Variants in FOXP1 observed in about 807,000 individuals in gnomAD.
FOXP1 encodes forkhead box P1, also known as forkhead box protein P1.
Under a neutral mutation model 98.2 loss-of-function variants are expected in FOXP1, and 15 were observed. The ratio of observed to expected loss-of-function variants is 0.15; its 90% CI spans 0.10 to 0.24. The LOEUF (loss-of-function observed/expected upper bound fraction) is 0.24, where lower values mean the gene tolerates loss of function less well. Ranked by LOEUF, FOXP1 falls within the 10% of genes least tolerant of loss-of-function variation. FOXP1 has a pLI of 1.00. For missense variants in FOXP1, 633 were observed against 848.5 expected, an observed-to-expected ratio of 0.75 and a Z score of 3.15; for synonymous variants, 371 against 314.5, an observed-to-expected ratio of 1.18 and a Z score of -1.90.
At chr3:71,195,783 C>G (rs2108364819) in intron 6 of FOXP1, among the ~76,000 whole-genome samples, 1 of 152,316 alleles carries the variant, frequency 6.6e-6, no homozygotes, top group South Asian at 2.1e-4. Context: ...TGCTGGTATT[C>G]TCACTTCAAG....
chr3:71,359,804 T>C (rs2078424240), intron 3 of FOXP1, among the ~76,000 whole-genome samples: 2 of 152,132 alleles, frequency 1.3e-5, no homozygotes, highest in Admixed American at 6.5e-5. Context: ...TGCAATTATT[T>C]TTCCAGACAC....
intron 2 of FOXP1, among the ~76,000 whole-genome samples, chr3:71,580,168 T>G (rs2048045304): frequency 1.0e-5 from 1 of 98,872 alleles, no homozygotes; most frequent in African/African-American, 3.8e-5. Flanking sequence ...TTACTTTACT[T>G]TTCCAAAAAA....
intron 2 of FOXP1, among the ~76,000 whole-genome samples, chr3:71,532,907 T>C (rs948393075): frequency 6.6e-6 from 1 of 152,238 alleles, no homozygotes; most frequent in Non-Finnish European, 1.5e-5. Flanking sequence ...CAGGATCTAC[T>C]GAGGTATACA....
intron 6 of FOXP1, among the ~76,000 whole-genome samples, chr3:71,177,840 CTTTTT>C (rs397704711): frequency 8.7e-6 from 1 of 114,940 alleles, no homozygotes; most frequent in Admixed American, 1.0e-4. Flanking sequence ...TTCTTTCTTT[CTTTTT>C]TTTTTTTTTT....
At chr3:71,423,681 C>T (rs1014623616) in intron 3 of FOXP1, among the ~76,000 whole-genome samples, 4 of 152,194 alleles carry the variant, frequency 2.6e-5, no homozygotes, top group African/African-American at 9.7e-5. Flanking sequence ...CCCAGGCTGG[C>T]CTGTGTGGAT....
intron 2 of FOXP1, among the ~76,000 whole-genome samples, chr3:71,525,332 C>T (rs2043294297): frequency 6.6e-6 from 1 of 152,154 alleles, no homozygotes; most frequent in Admixed American, 6.5e-5. Context: ...TTATGGGCTG[C>T]TACAAAATAT....
At chr3:70,988,199 T>G (rs1035762332) in intron 13 of FOXP1, 122 bp from the exon 14 acceptor site, 23 of 941,880 alleles carry the variant, frequency 2.4e-5, no homozygotes, top group Non-Finnish European at 3.3e-5. Flanking sequence ...TCATTTTCAT[T>G]GCTTGTTTTT....
chr3:71,130,714 G>C (rs1389923765), intron 6 of FOXP1: 17 of 1,533,398 alleles, frequency 1.1e-5, no homozygotes, highest in Non-Finnish European at 1.5e-5. Flanking sequence ...AGGGAGGTTT[G>C]CCTCCACAGT....
intron 6 of FOXP1, among the ~76,000 whole-genome samples, chr3:71,172,557 A>G (rs2108225471): frequency 6.6e-6 from 1 of 152,224 alleles, no homozygotes; most frequent in East Asian, 1.9e-4. Context: ...GTTATTATTA[A>G]CCTTATTTTA....
chr3:71,079,643 C>T (rs774627820), intron 7 of FOXP1, among the ~76,000 whole-genome samples: 2 of 152,116 alleles, frequency 1.3e-5, no homozygotes, highest in Non-Finnish European at 2.9e-5. Flanking sequence ...TTAAGAAGAC[C>T]TGTTCACGTC....
At position 70,971,013 on chromosome 3, in the gene FOXP1, GAAACTAGGTGTAAAATTCTGGC is replaced by G. The variant is rs2036115987; in HGVS notation, c.1653-230_1653-209del. On this transcript the variant is annotated intron_variant, in intron 18 of 20. Transcript: ENST00000649528. ...CTGGGGTTGGACTTCTCTATTCAAG[GAAACTAGGTGTAAAATTCTGGC>G]TTAGGTAGTAACAGGCTTGGGTCCT... 7.1e-6 allele frequency: 4 copies of G among 562,272 alleles called. No individual in the cohort carries two copies. The Admixed American group carries it at 1.1e-4, about 16-fold the overall frequency. The allele number at this position is 562,272 out of a possible 1,614,324, so 34.8% of individuals were successfully genotyped here.
At chr3:71,166,390 A>G (rs964720581) in intron 6 of FOXP1, among the ~76,000 whole-genome samples, 1 of 152,228 alleles carries the variant, frequency 6.6e-6, no homozygotes, top group Non-Finnish European at 1.5e-5. Flanking sequence ...ACGCAGTTCC[A>G]TTCTTTAAAC....
intron 3 of FOXP1, among the ~76,000 whole-genome samples, chr3:71,459,651 T>A (rs1014914659): frequency 5.9e-5 from 9 of 152,124 alleles, no homozygotes; most frequent in Admixed American, 3.3e-4. Context: ...AAATAAATAT[T>A]CCATTCAAAA....
chr3:71,060,498 A>G (rs2051327910), intron 7 of FOXP1, among the ~76,000 whole-genome samples: 1 of 152,122 alleles, frequency 6.6e-6, no homozygotes, highest in African/African-American at 2.4e-5. Context: ...CAAATGGGAA[A>G]CCCGTGCAGA....
intron 4 of FOXP1, among the ~76,000 whole-genome samples, chr3:71,347,368 A>C (rs1408589774): frequency 6.6e-6 from 1 of 152,184 alleles, no homozygotes; most frequent in Non-Finnish European, 1.5e-5. Context: ...AATTAAGATA[A>C]AATAATCAAA....
At chr3:71,347,970 A>C (rs2077479909) in intron 4 of FOXP1, among the ~76,000 whole-genome samples, 1 of 152,168 alleles carries the variant, frequency 6.6e-6, no homozygotes, top group African/African-American at 2.4e-5. Context: ...CATGATTAGT[A>C]CTGAACCCTA....
intron 2 of FOXP1, among the ~76,000 whole-genome samples, chr3:71,501,571 C>T (rs1577877604): frequency 6.6e-6 from 1 of 152,088 alleles, no homozygotes; most frequent in Non-Finnish European, 1.5e-5. Flanking sequence ...GGATTATAGG[C>T]GTGAGCCACC....
At position 71,207,326 on chromosome 3, in the gene FOXP1, G is replaced by A. The variant is rs1447605529; in HGVS notation, c.-11-8934C>T. ...TTCATAACATAGATTAATGACTGGC[G>A]TGATCTATGACACACTTCACGTATC... On this transcript the variant is annotated intron_variant, in intron 5 of 20. Transcript: ENST00000649528. Among the ~76,000 whole-genome samples, 5 of 151,216 alleles carry A rather than the reference G, an allele frequency of 3.3e-5. No individual in the cohort carries two copies. In the East Asian group the frequency reaches 5.8e-4, roughly 18 times the overall value.
At chr3:71,397,127 C>T (rs2081588496) in intron 3 of FOXP1, among the ~76,000 whole-genome samples, 2 of 94,576 alleles carry the variant, frequency 2.1e-5, no homozygotes, top group African/African-American at 7.8e-5. Flanking sequence ...TATATATACA[C>T]ATTTAAATGG....
Sources: gnomAD v4.1 joint callset for allele counts (sites outside exome capture counted in the v4.1 genomes callset) on GRCh38, gnomAD v4.1.1 for gene constraint, MANE v1.5 for transcripts, NCBI Gene and HGNC (gene_info 2026-07-23, HGNC 2026-07-21) for gene names.